Variants in KIF6 observed in about 807,000 individuals in gnomAD.
The protein encoded by KIF6 is kinesin family member 6.
Under a neutral mutation model 112.7 loss-of-function variants are expected in KIF6, and 106 were observed. The observed-to-expected ratio is 0.94, with a 90% CI of 0.80 to 1.11. The LOEUF is 1.11. KIF6 is among the 50% of genes least tolerant of loss of function. KIF6 has a pLI of 0.00. For missense variants in KIF6, 929 were observed against 964.0 expected (o/e 0.96, Z 0.48); for synonymous variants, 339 against 339.9 (o/e 1.00, Z 0.03).
At chr6:39,349,493 G>A (rs975678907) in intron 19 of KIF6, among the ~76,000 whole-genome samples, 4 of 152,032 alleles carry the variant, frequency 2.6e-5, no homozygotes, top group African/African-American at 4.8e-5. Context: ...GATAGGCAGA[G>A]CTGACAGTGG....
chr6:39,493,194 T>G (rs1775572844), intron 13 of KIF6, among the ~76,000 whole-genome samples: 1 of 152,224 alleles, frequency 6.6e-6, no homozygotes, highest in African/African-American at 2.4e-5. Context: ...ACTCAGAAAC[T>G]ATTCATGCAT....
chr6:39,354,000 G>T, intron 19 of KIF6: 1 of 415,602 alleles, frequency 2.4e-6, no homozygotes, highest in Non-Finnish European at 4.7e-6. Flanking sequence ...TTTTCACATG[G>T]GTCCAAGCCC....
chr6:39,578,523 G>A (rs995142915), intron 9 of KIF6, among the ~76,000 whole-genome samples: 4 of 151,748 alleles, frequency 2.6e-5, no homozygotes, highest in African/African-American at 9.7e-5. Context: ...AGTAGAGACA[G>A]GGTTTTACCA....
intron 3 of KIF6, among the ~76,000 whole-genome samples, chr6:39,682,130 C>CG (rs1305786577): frequency 1.3e-5 from 2 of 152,052 alleles, no homozygotes; most frequent in East Asian, 3.9e-4. Context: ...ATGTATGAAT[C>CG]GGGGAGACAG....
At chr6:39,649,004 A>AG (rs1785322602) in intron 3 of KIF6, among the ~76,000 whole-genome samples, 1 of 151,804 alleles carries the variant, frequency 6.6e-6, no homozygotes, top group Non-Finnish European at 1.5e-5. Context: ...TGCCAAAAAA[A>AG]AAAAAAAAAA....
intron 13 of KIF6, among the ~76,000 whole-genome samples, chr6:39,536,804 C>T (rs538163798): frequency 0.28 from 42,452 of 151,812 alleles, 8,048 homozygotes; most frequent in African/African-American, 0.53. Context: ...AACATTGATG[C>T]AAAAATCCTC....
At chr6:39,361,370 G>C (rs944731307) in intron 17 of KIF6, among the ~76,000 whole-genome samples, 1 of 151,890 alleles carries the variant, frequency 6.6e-6, no homozygotes, top group African/African-American at 2.4e-5. Context: ...ACCAACCTGA[G>C]CCTACATGGT....
chr6:39,591,883 C>T (rs931217121), intron 7 of KIF6, among the ~76,000 whole-genome samples: 32 of 152,244 alleles, frequency 2.1e-4, no homozygotes, highest in African/African-American at 7.0e-4. Context: ...GAGGCTGAGG[C>T]GGGCGGATCA....
chr6:39,664,253 G>A (rs971931441), intron 3 of KIF6, among the ~76,000 whole-genome samples: 2 of 152,076 alleles, frequency 1.3e-5, no homozygotes, highest in African/African-American at 2.4e-5. Flanking sequence ...GAAATAGAAG[G>A]TAAGGTAGCC....
intron 10 of KIF6, among the ~76,000 whole-genome samples, chr6:39,575,587 G>C (rs756231824): frequency 7.2e-5 from 11 of 152,140 alleles, no homozygotes; most frequent in South Asian, 2.1e-4. Context: ...CTTATTTTTC[G>C]TGAGAATAGG....
chr6:39,373,036 C>T (rs9471086), intron 16 of KIF6, among the ~76,000 whole-genome samples: 1 of 152,068 alleles, frequency 6.6e-6, no homozygotes, highest in Non-Finnish European at 1.5e-5. Context: ...GCACAGATGG[C>T]GATTTTCATC....
At position 39,330,082 on chromosome 6, in the gene KIF6, A is replaced by T. The variant is rs1001006750; in HGVS notation, c.*6450T>A. On this transcript the variant is annotated 3_prime_UTR_variant, in exon 23 of 23. Transcript: ENST00000287152. The stretch of plus-strand genomic sequence containing the variant: ...GTCCATCAAATCAGCATGTTAGCGC[A>T]GGTCTGGTGGCCCAATCCCAGGTAG... The T allele has an allele frequency of 2.0e-5, 3 of 152,192 alleles. No individual in the cohort carries two copies. The highest frequency in any genetic ancestry group is 4.4e-5 in the Non-Finnish European group (3 of 68,040). The allele number at this position is 152,192 out of a possible 1,614,324, so 9.4% of individuals were successfully genotyped here. A position where few individuals can be genotyped will look rare whatever the true frequency, so the allele number is the denominator to read the frequency against.
intron 1 of KIF6, among the ~76,000 whole-genome samples, chr6:39,724,778 A>G (rs997464743): frequency 6.6e-6 from 1 of 152,100 alleles, no homozygotes; most frequent in Non-Finnish European, 1.5e-5. Context: ...GTCTATCTAT[A>G]TTTGTATTAT....
chr6:39,456,903 G>C (rs1048572089), intron 13 of KIF6, among the ~76,000 whole-genome samples: 10 of 151,664 alleles, frequency 6.6e-5, no homozygotes, highest in African/African-American at 2.4e-4. Context: ...GAGACTTAGA[G>C]TCCCACACAT....
At chr6:39,359,463 A>G (rs1195153080) in intron 18 of KIF6, among the ~76,000 whole-genome samples, 1 of 152,252 alleles carries the variant, frequency 6.6e-6, no homozygotes, top group Non-Finnish European at 1.5e-5. Context: ...ACATATTTAC[A>G]TGATGGAACA....
At chr6:39,680,247 AC>A (rs1341036262) in intron 3 of KIF6, among the ~76,000 whole-genome samples, 1 of 151,710 alleles carries the variant, frequency 6.6e-6, no homozygotes, top group Non-Finnish European at 1.5e-5. Flanking sequence ...ACCTCAAGTG[AC>A]CCGCCCACCT....
intron 13 of KIF6, among the ~76,000 whole-genome samples, chr6:39,537,252 A>G (rs1296862825): frequency 3.3e-5 from 5 of 152,206 alleles, no homozygotes; most frequent in East Asian, 1.9e-4. Flanking sequence ...AGGGTACTCA[A>G]TTAGGAAAAG....
At chr6:39,414,926 T>C (rs539641847) in intron 15 of KIF6, among the ~76,000 whole-genome samples, 233 of 150,896 alleles carry the variant, frequency 1.5e-3, no homozygotes, top group African/African-American at 5.4e-3. Flanking sequence ...TGGTGGCTCA[T>C]GCCTGTAATC....
rs544451196 is a variant in KIF6 at position 39,330,649 on chromosome 6, A to C, written c.*5883T>G. 5.3e-5 allele frequency: 8 copies of C among 152,336 alleles called. No individual in the cohort carries two copies. The South Asian group carries it at 1.7e-3, about 32-fold the overall frequency. 9.4% of individuals were successfully genotyped at this position (152,336 alleles called of 1,614,324 possible). A position where few individuals can be genotyped will look rare whatever the true frequency, so the allele number is the denominator to read the frequency against. On this transcript the variant is annotated 3_prime_UTR_variant, in exon 23 of 23. Transcript: ENST00000287152. ...CTGGCATGCTGCTTGCTCTTTGCTG[A>C]GTTCCCTCTCAGTGTGGGTGAAACT...
Sources: gnomAD v4.1 joint callset for allele counts (sites outside exome capture counted in the v4.1 genomes callset) on GRCh38, gnomAD v4.1.1 for gene constraint, MANE v1.5 for transcripts, NCBI Gene and HGNC (gene_info 2026-07-23, HGNC 2026-07-21) for gene names.